The following TSPAN19 variants were observed in gnomAD, a reference collection of about 807,000 sequenced individuals.
TSPAN19 encodes tetraspanin 19, also known as tetraspanin-19.
Under a neutral mutation model 35.1 loss-of-function variants are expected in TSPAN19, and 44 were observed. The observed-to-expected ratio is 1.25, with a 90% confidence interval of 0.98 to 1.61. The LOEUF (loss-of-function observed/expected upper bound fraction) is 1.61. Among genes scored for constraint, TSPAN19 ranks in the 40% most tolerant of loss-of-function variants. The pLI is 0.00. For synonymous variants in TSPAN19, 79 were observed against 92.0 expected, an observed-to-expected ratio of 0.86 and a Z score of 0.81; for missense variants, 290 against 280.0, an observed-to-expected ratio of 1.04 and a Z score of -0.26.
chr12:85,014,543 A>C lies in TSPAN19; in HGVS notation c.691T>G (p.Ser231Ala). The change falls in exon 9 of 9, where the codon TCA becomes GCA. Residue 231 changes from serine to alanine, a missense_variant. Coordinates refer to ENST00000532498, the MANE Select transcript of TSPAN19 (RefSeq NM_001100917.2). ...TTTTTGAAGAAACAAACTGTTAATG[A>C]GACTTGGAAAACCTGGAAGAAAAGG... is the stretch of plus-strand genomic sequence containing the variant. The part of the protein sequence containing the change: ...GLLTSEVFQV[S>A]LTVCFFKNIK... 1.3e-6 allele frequency: 2 copies of C among 1,597,782 alleles called. No homozygotes were observed. The highest frequency in any genetic ancestry group is 1.7e-6 in the Non-Finnish European group (2 of 1,170,834).
intron 6 of TSPAN19, among the ~76,000 whole-genome samples, chr12:85,018,829 G>A (rs774106722): frequency 4.0e-5 from 6 of 151,782 alleles, no homozygotes; most frequent in Non-Finnish European, 4.4e-5. Flanking sequence ...TATAAAATGA[G>A]GATAACAGTT....
intron 5 of TSPAN19, among the ~76,000 whole-genome samples, chr12:85,021,667 A>G (rs1565766248): frequency 5.3e-5 from 8 of 152,130 alleles, no homozygotes; most frequent in Admixed American, 3.9e-4. Flanking sequence ...GGCCTAGTTT[A>G]TCTTCCACAC....
intron 7 of TSPAN19, 176 bp from the exon 8 acceptor site, chr12:85,016,147 C>T (rs1876782852): frequency 4.3e-6 from 2 of 462,522 alleles, no homozygotes; most frequent in Admixed American, 4.3e-5. Context: ...GGCAGCAGGA[C>T]ACCTCAGTTG....
In TSPAN19 at chr12:85,028,057, G is replaced by A. The variant is rs373441898; in HGVS notation, c.140-34C>T. The A allele has an allele frequency of 1.2e-5, 17 of 1,452,776 alleles. No homozygotes were observed. The African/African-American group carries it at 2.3e-4, about 20-fold the overall frequency. The allele number at this position is 1,452,776 out of a possible 1,614,324, so 90.0% of individuals were successfully genotyped here. ...AGTACAAATTTACTTATTATGAAGT[G>A]GTATTTTATATGAAGTGGTATTTTA... On this transcript the variant is annotated intron_variant, in intron 3 of 8. Coordinates refer to ENST00000532498, the MANE Select transcript of TSPAN19 (RefSeq NM_001100917.2).
intron 4 of TSPAN19, among the ~76,000 whole-genome samples, chr12:85,025,419 C>A (rs192606868): frequency 6.6e-6 from 1 of 151,996 alleles, no homozygotes; most frequent in Non-Finnish European, 1.5e-5. Context: ...GGATTACAGG[C>A]GTGAGCCACC....
In TSPAN19 at chr12:85,019,741, A is replaced by T. The variant is rs1241441112; in HGVS notation, c.340-5T>A. On this transcript the variant is annotated splice_region_variant and splice_polypyrimidine_tract_variant and intron_variant, in intron 5 of 8. Coordinates refer to ENST00000532498, the MANE Select transcript of TSPAN19 (RefSeq NM_001100917.2). ...GTCATGCCATAGTTGCTGAACCTGT[A>T]GAAAATTGTATTAAAAATGAAAATT... 1 of 1,539,332 alleles carries T rather than the reference A, an allele frequency of 6.5e-7. No individual in the cohort carries two copies.
rs758041978 is a variant in TSPAN19, at chr12:85,017,626, C to A, written c.451-27G>T. 19 of 1,498,396 alleles carry A rather than the reference C, an allele frequency of 1.3e-5. 1 individual carries two copies. The highest frequency in any genetic ancestry group is 1.6e-5 in the Non-Finnish European group (18 of 1,120,306). The allele number at this position is 1,498,396 out of a possible 1,614,324, so 92.8% of individuals were successfully genotyped here. A position where few individuals can be genotyped will look rare whatever the true frequency, so the allele number is the denominator to read the frequency against. ...TAGGAAAAAGCTTATATGAATTTTA[C>A]CATAAAATGTTCAAAATGCAGTTAA... On this transcript the variant is annotated intron_variant, in intron 6 of 8. Coordinates refer to ENST00000532498, the MANE Select transcript of TSPAN19 (RefSeq NM_001100917.2).
intron 6 of TSPAN19, 21 bp from the exon 7 acceptor site, chr12:85,017,620 AT>A: frequency 6.6e-7 from 1 of 1,515,330 alleles, no homozygotes; most frequent in Non-Finnish European, 8.8e-7. Context: ...GCTTATATGA[AT>A]TTTACCATAA....
chr12:85,027,699 T>G (rs1234540141), intron 4 of TSPAN19, among the ~76,000 whole-genome samples, 200 bp downstream of exon 4: 6 of 152,160 alleles, frequency 3.9e-5, no homozygotes, highest in South Asian at 2.1e-4. Context: ...AGGTACAGAT[T>G]CAATTCATAG....
chr12:85,031,153 C>T lies in TSPAN19; in HGVS notation c.-27-1180G>A, dbSNP rs147081545. ...ATCTCCCAGTGTTCTTCTCAGTTTA[C>T]GGAGTCACTACAGGTTATATCTTCT... On this transcript the variant is annotated intron_variant, in intron 1 of 8. Coordinates refer to ENST00000532498, the MANE Select transcript of TSPAN19 (RefSeq NM_001100917.2). 3.7e-4 allele frequency among the ~76,000 whole-genome samples: 56 copies of T among 152,178 alleles called. No individual in the cohort carries two copies. In the East Asian group the frequency reaches 8.3e-3, roughly 23 times the overall value.
In TSPAN19 at chr12:85,036,199, T is replaced by C. The variant is rs1482520574; in HGVS notation, c.-28+5A>G. The C allele has an allele frequency of 6.6e-6, 1 of 152,220 alleles. No homozygotes were observed. The allele number at this position is 152,220 out of a possible 1,614,324, so 9.4% of individuals were successfully genotyped here. On this transcript the variant is annotated splice_donor_5th_base_variant and intron_variant, in intron 1 of 8. Transcript: ENST00000532498. ...TTCCAAAGTTACTTAAATATTAAAATCTACCTGTAAAAAACCGTAAGCTCC... is the reference window on the plus strand; with the variant it reads ...TTCCAAAGTTACTTAAATATTAAAACCTACCTGTAAAAAACCGTAAGCTCC...
At chr12:85,033,095 G>T (rs1373350365) in intron 1 of TSPAN19, among the ~76,000 whole-genome samples, 1 of 152,028 alleles carries the variant, frequency 6.6e-6, no homozygotes, top group Non-Finnish European at 1.5e-5. Flanking sequence ...TTGAGGTGGG[G>T]ACAGGAAATA....
In TSPAN19 at chr12:85,014,412, T is replaced by G; in HGVS notation, c.*75A>C. On this transcript the variant is annotated 3_prime_UTR_variant, in exon 9 of 9. Transcript: ENST00000532498. ...CTGTTATTTAATACAATTCAAAACG[T>G]TTTTGGAATAAAATAATATAATGTG... 9.2e-7 allele frequency: 1 copy of G among 1,088,150 alleles called. No homozygotes were observed. The allele number at this position is 1,088,150 out of a possible 1,614,324, so 67.4% of individuals were successfully genotyped here. A position where few individuals can be genotyped will look rare whatever the true frequency, so the allele number is the denominator to read the frequency against.
chr12:85,035,854 T>C lies in TSPAN19; in HGVS notation c.-28+350A>G, dbSNP rs61467455. Among the ~76,000 whole-genome samples, 1,345 of 152,272 alleles carry C rather than the reference T, an allele frequency of 8.8e-3. 18 individuals are homozygous for C. Among genetic ancestry groups the C allele is most frequent in the African/African-American group, 0.031 (1,298 of 41,572 alleles). On this transcript the variant is annotated intron_variant, in intron 1 of 8. Transcript: ENST00000532498. ...TAACTCCAGAAAATAATTTTTCAAATTTCTCACCCACATCCCTTCAGTTAG... is the reference window on the plus strand; with the variant it reads ...TAACTCCAGAAAATAATTTTTCAAACTTCTCACCCACATCCCTTCAGTTAG...
Position 85,029,987 on chromosome 12 carries a change from C to G in TSPAN19, c.-27-14G>C. 1 of 1,381,182 alleles carries G rather than the reference C, an allele frequency of 7.2e-7. No individual in the cohort carries two copies. The highest frequency in any genetic ancestry group is 9.7e-7 in the Non-Finnish European group (1 of 1,029,922). 85.6% of individuals were successfully genotyped at this position (1,381,182 alleles called of 1,614,324 possible). On this transcript the variant is annotated splice_polypyrimidine_tract_variant and intron_variant, in intron 1 of 8. Transcript: ENST00000532498. ...ATATTGATGATTCTGAAAAGACAAC[C>G]ATAACTTTTTAAACATTCTACACAA...
rs182983181 is a variant in TSPAN19 at position 85,023,362 on chromosome 12, A to C, written c.303T>G (p.Val101=). ...TTGTGATGATGAATGCTGAAAGTAC[A>C]ACCTGAACAGCAAAGGTCCATGTTA... ...VLITWTFAVQ[V]VLSAFIITKK... Residue 101 remains valine, a synonymous_variant, in exon 5 of 9, where the codon GTT becomes GTG. Transcript: ENST00000532498. 1 of 1,589,590 alleles carries C rather than the reference A, an allele frequency of 6.3e-7. No homozygotes were observed. Among genetic ancestry groups the C allele is most frequent in the East Asian group, 2.3e-5 (1 of 44,176 alleles).
chr12:85,019,797 G>A, intron 5 of TSPAN19, 61 bp from the exon 6 acceptor site: 1 of 836,570 alleles, frequency 1.2e-6, no homozygotes, highest in Non-Finnish European at 1.9e-6. Context: ...AAATTTCATA[G>A]AAATTGATGG....
chr12:85,036,055 A>G (rs886825007), intron 1 of TSPAN19, 149 bp downstream of exon 1: 3 of 152,202 alleles, frequency 2.0e-5, no homozygotes, highest in Non-Finnish European at 4.4e-5. Flanking sequence ...CACCTTATAC[A>G]TGGGCAAATC....
intron 6 of TSPAN19, 77 bp from the exon 7 acceptor site, chr12:85,017,676 GT>G: frequency 1.7e-6 from 2 of 1,143,748 alleles, no homozygotes; most frequent in Non-Finnish European, 2.4e-6. Context: ...TATTGAAGTG[GT>G]TTTTGTGATG....
Sources: allele counts gnomAD v4.1 joint callset (sites outside exome capture counted in the v4.1 genomes callset), GRCh38; gene constraint gnomAD v4.1.1; transcripts MANE v1.5; gene names NCBI Gene and HGNC (gene_info 2026-07-23, HGNC 2026-07-21).